KANK3: variants seen among roughly 807,000 people sequenced by gnomAD.
KANK3 encodes the protein KN motif and ankyrin repeat domain-containing protein 3.
A neutral mutation model predicts 65.4 loss-of-function variants in KANK3; 61 were observed. The ratio of observed to expected loss-of-function variants is 0.93; its 90% confidence interval spans 0.76 to 1.15. KANK3 has a LOEUF of 1.15. Among genes scored for constraint, KANK3 ranks in the 50% most tolerant of loss-of-function variants. KANK3 has a pLI of 0.00. For synonymous variants in KANK3, 586 were observed against 543.3 expected (o/e 1.08, Z -1.09); for missense variants, 1,187 against 1,178.8 (o/e 1.01, Z -0.10).
At chr19:8,331,587 G>A (rs922895038) in intron 7 of KANK3, among the ~76,000 whole-genome samples, 2 of 152,134 alleles carry the variant, frequency 1.3e-5, no homozygotes, top group African/African-American at 2.4e-5. Context: ...GGTGGACAGC[G>A]ATTTGTTTAC....
chr19:8,336,485 T>C (rs1049982977), intron 2 of KANK3, among the ~76,000 whole-genome samples: 2 of 149,400 alleles, frequency 1.3e-5, no homozygotes, highest in African/African-American at 5.0e-5. Flanking sequence ...CGCCTCTATC[T>C]CAACACTTTG....
chr19:8,327,708 C>T (rs1012320897), intron 7 of KANK3, among the ~76,000 whole-genome samples: 1 of 152,076 alleles, frequency 6.6e-6, no homozygotes, highest in African/African-American at 2.4e-5. Flanking sequence ...GTGGAAGGAT[C>T]GCTTGAGCCT....
chr19:8,327,555 T>C (rs974564800), intron 7 of KANK3, among the ~76,000 whole-genome samples: 2 of 151,948 alleles, frequency 1.3e-5, no homozygotes, highest in Non-Finnish European at 2.9e-5. Flanking sequence ...CACTTGAACA[T>C]GGGAGACAGA....
Position 8,337,855 on chromosome 19 carries a change from C to A in KANK3, c.-27G>T, listed in dbSNP as rs766221107. On this transcript the variant is annotated splice_region_variant and 5_prime_UTR_variant, in exon 2 of 11. Transcript: ENST00000330915. The stretch of plus-strand genomic sequence containing the variant: ...TTTCCTGCAGCAGCTGTCAGAGGCA[C>A]CCTGCAAAAGGGGTGAAGGTGGGGC... 6.2e-6 allele frequency: 10 copies of A among 1,613,138 alleles called. No individual in the cohort carries two copies. In the Admixed American group the frequency reaches 6.7e-5, roughly 11 times the overall value.
chr19:8,332,997 C>G lies in KANK3; in HGVS notation c.1936+17G>C, dbSNP rs1163694550. The G allele has an allele frequency of 8.9e-7, 1 of 1,129,408 alleles. No individual in the cohort carries two copies. Among genetic ancestry groups the G allele is most frequent in the Admixed American group, 2.1e-5 (1 of 48,494 alleles). 70.0% of individuals were successfully genotyped at this position (1,129,408 alleles called of 1,614,324 possible). A position where few individuals can be genotyped will look rare whatever the true frequency, so the allele number is the denominator to read the frequency against. On this transcript the variant is annotated intron_variant, in intron 7 of 10. Coordinates refer to ENST00000330915, the MANE Select transcript of KANK3 (RefSeq NM_198471.3). ...ACCCATTTCCTGGTGTCCCACCCACCCTCCCTTGGCTCTGACCCGTATCCA... is the reference window on the plus strand; with the variant it reads ...ACCCATTTCCTGGTGTCCCACCCACGCTCCCTTGGCTCTGACCCGTATCCA...
At chr19:8,328,606 G>A (rs1339965295) in intron 7 of KANK3, among the ~76,000 whole-genome samples, 1 of 152,058 alleles carries the variant, frequency 6.6e-6, no homozygotes, top group Non-Finnish European at 1.5e-5. Context: ...AGGGGTGGGG[G>A]CAGTGAAACG....
chr19:8,337,659 T>G, intron 2 of KANK3, 136 bp downstream of exon 2: 3 of 1,029,324 alleles, frequency 2.9e-6, no homozygotes, highest in Non-Finnish European at 4.5e-6. Flanking sequence ...ATTGATGCCA[T>G]AGGTGGTTTA....
rs2066181432 is a variant in KANK3 at position 8,335,341 on chromosome 19, G to C, written c.486C>G (p.Arg162=). ...SPGRGVPRSP[R]GSGRSSPAPN... ...GGGCGGGGCTGCTGCGGCCGGACCCGCGTGGGCTGCGCGGGACCCCGCGGC... is the reference window on the plus strand; with the variant it reads ...GGGCGGGGCTGCTGCGGCCGGACCCCCGTGGGCTGCGCGGGACCCCGCGGC... Residue 162 remains arginine, a synonymous_variant, in exon 3 of 11, where the codon CGC becomes CGG. Transcript: ENST00000330915. 1 of 1,193,982 alleles carries C rather than the reference G, an allele frequency of 8.4e-7. No homozygotes were observed. The highest frequency in any genetic ancestry group is 1.0e-6 in the Non-Finnish European group (1 of 964,086). The allele number at this position is 1,193,982 out of a possible 1,614,324, so 74.0% of individuals were successfully genotyped here. A position where few individuals can be genotyped will look rare whatever the true frequency, so the allele number is the denominator to read the frequency against.
intron 7 of KANK3, among the ~76,000 whole-genome samples, chr19:8,329,105 A>G (rs1364947771): frequency 3.4e-5 from 5 of 149,134 alleles, no homozygotes; most frequent in South Asian, 4.2e-4. Context: ...CGGGAGGCAG[A>G]CCTTGCAGTG....
chr19:8,327,340 TAAA>T (rs752886341), intron 7 of KANK3, among the ~76,000 whole-genome samples: 4 of 151,510 alleles, frequency 2.6e-5, no homozygotes, highest in Non-Finnish European at 5.9e-5. Context: ...CCCCATCTCT[TAAA>T]AAATTTGGCC....
chr19:8,340,727 A>G (rs1487528557), intron 1 of KANK3, among the ~76,000 whole-genome samples: 1 of 152,088 alleles, frequency 6.6e-6, no homozygotes, highest in Non-Finnish European at 1.5e-5. Flanking sequence ...TCCATTTCCC[A>G]CTTCTGTCTG....
Position 8,322,756 on chromosome 19 carries a change from TG to T in KANK3, c.*82del. On this transcript the variant is annotated 3_prime_UTR_variant, in exon 11 of 11. Transcript: ENST00000330915. ...GTGTTAGCCTCTGAGCAGGGGACCC[TG>T]GACCCTTCTGTGCGCCAAAGGCTGA... 1 of 1,061,300 alleles carries T rather than the reference TG, an allele frequency of 9.4e-7. No homozygotes were observed. Among genetic ancestry groups the T allele is most frequent in the Non-Finnish European group, 1.4e-6 (1 of 705,834 alleles). 65.7% of individuals were successfully genotyped at this position (1,061,300 alleles called of 1,614,324 possible).
chr19:8,334,318 A>C lies in KANK3; in HGVS notation c.1427+2T>G. 1.9e-6 allele frequency: 3 copies of C among 1,613,684 alleles called. No individual in the cohort carries two copies. Among genetic ancestry groups the C allele is most frequent in the Non-Finnish European group, 2.5e-6 (3 of 1,179,918 alleles). On this transcript the variant is annotated splice_donor_variant, in intron 4 of 10. Transcript: ENST00000330915. LOFTEE classifies it high-confidence loss of function. ...CTGCCACAGGAGGGGAAAGGCGCTC[A>C]CTCTCCGTTGAGGACCCCAACAAAC...
intron 1 of KANK3, among the ~76,000 whole-genome samples, chr19:8,341,994 G>C (rs970323969): frequency 7.2e-5 from 11 of 151,930 alleles, no homozygotes; most frequent in African/African-American, 2.7e-4. Flanking sequence ...ACACTTGAAT[G>C]CTTTCTTTTA....
Position 8,333,221 on chromosome 19 carries a change from G to A in KANK3, c.1729C>T (p.Arg577Cys), listed in dbSNP as rs762161895. The A allele has an allele frequency of 2.5e-5, 40 of 1,610,298 alleles. No homozygotes were observed. The highest frequency in any genetic ancestry group is 2.5e-5 in the Non-Finnish European group (30 of 1,179,188). Reference protein sequence around the residue: ...RGVASDGGAVRLVAQEWFRVS... With the variant: ...RGVASDGGAVCLVAQEWFRVS... Reference sequence around the variant, plus strand: ...CGAAACCACTCCTGGGCCACGAGGCGCACTGCGCCCTGCAAGGGACAGGGG... The same window carrying A: ...CGAAACCACTCCTGGGCCACGAGGCACACTGCGCCCTGCAAGGGACAGGGG... The change falls in exon 7 of 11, where the codon CGC becomes TGC. Residue 577 changes from arginine to cysteine, a missense_variant. Physicochemically the swap from Arg to Cys is radical, Grantham distance 180. This residue lies in a region of KANK3 where 1,078 missense variants were observed against 1,038.2 expected (regional missense o/e 1.04). Transcript: ENST00000330915. The surrounding 1 kb of genome is among the most constrained non-coding windows in gnomAD (Gnocchi z 5.0).
At chr19:8,334,248 G>A in intron 4 of KANK3, 72 bp downstream of exon 4, 1 of 1,589,406 alleles carries the variant, frequency 6.3e-7, no homozygotes, top group Non-Finnish European at 8.6e-7. Context: ...TGCCAGTAGA[G>A]GGGCAGAGCT....
intron 7 of KANK3, among the ~76,000 whole-genome samples, chr19:8,331,386 C>G (rs568072451): frequency 9.3e-6 from 1 of 107,236 alleles, no homozygotes; most frequent in East Asian, 2.3e-4. Flanking sequence ...CTACAATGCC[C>G]CAGCTTCCAG....
Position 8,322,800 on chromosome 19 carries a change from T to A in KANK3, c.*39A>T. 6.8e-7 allele frequency: 1 copy of A among 1,476,240 alleles called. No homozygotes were observed. Among genetic ancestry groups the A allele is most frequent in the Non-Finnish European group, 9.4e-7 (1 of 1,058,702 alleles). 91.4% of individuals were successfully genotyped at this position (1,476,240 alleles called of 1,614,324 possible). ...AAGGCTGAGGTGACTGACGAGGAGA[T>A]CTCCCCACAGCTAGGTGTAGTGAGC... is the stretch of plus-strand genomic sequence containing the variant. On this transcript the variant is annotated 3_prime_UTR_variant, in exon 11 of 11. Coordinates refer to ENST00000330915, the MANE Select transcript of KANK3 (RefSeq NM_198471.3).
chr19:8,329,241 C>A (rs1453187686), intron 7 of KANK3, among the ~76,000 whole-genome samples: 1 of 150,180 alleles, frequency 6.7e-6, no homozygotes, highest in African/African-American at 2.5e-5. Context: ...AATCCCAATA[C>A]TTTGGGAGGC....
Sources: allele counts gnomAD v4.1 joint callset (sites outside exome capture counted in the v4.1 genomes callset), GRCh38; gene constraint gnomAD v4.1.1; regional missense constraint gnomAD v4.1.1; non-coding constraint Gnocchi (gnomAD v3.1); transcripts MANE v1.5; gene names NCBI Gene and HGNC (gene_info 2026-07-23, HGNC 2026-07-21).